The following ABTB2 variants were observed in gnomAD, a reference collection of about 807,000 sequenced individuals.
ABTB2 encodes ankyrin repeat and BTB domain containing 2, also known as ankyrin repeat and BTB/POZ domain-containing protein 2.
ABTB2 carries 56 observed loss-of-function variants against 104.1 expected under a neutral mutation model. The ratio of observed to expected loss-of-function variants is 0.54; its 90% CI spans 0.43 to 0.67. ABTB2 has a LOEUF of 0.67. ABTB2 is among the 30% of genes least tolerant of loss of function. The pLI is 0.00. For missense variants in ABTB2, 1,279 were observed against 1,407.7 expected, an observed-to-expected ratio of 0.91 and a Z score of 1.46; for synonymous variants, 606 against 608.2, an observed-to-expected ratio of 1.00 and a Z score of 0.05.
At chr11:34,218,972 G>C (rs1352127588) in intron 1 of ABTB2, among the ~76,000 whole-genome samples, 1 of 148,624 alleles carries the variant, frequency 6.7e-6, no homozygotes, top group Admixed American at 6.8e-5. Flanking sequence ...TGATCTATTT[G>C]TCTAGGGAAA....
At chr11:34,210,663 C>A (rs1853469569) in intron 1 of ABTB2, among the ~76,000 whole-genome samples, 1 of 152,182 alleles carries the variant, frequency 6.6e-6, no homozygotes, top group Non-Finnish European at 1.5e-5. Context: ...CACCTGCCAC[C>A]AACGGCCCCA....
At chr11:34,346,246 C>G (rs1337709721) in intron 1 of ABTB2, among the ~76,000 whole-genome samples, 2 of 151,944 alleles carry the variant, frequency 1.3e-5, no homozygotes, top group African/African-American at 4.8e-5. Context: ...TGTCCCACAT[C>G]GTATAAAGAA....
At chr11:34,339,511 G>C (rs989367656) in intron 1 of ABTB2, among the ~76,000 whole-genome samples, 1 of 152,214 alleles carries the variant, frequency 6.6e-6, no homozygotes, top group African/African-American at 2.4e-5. Context: ...CCTCACAAAA[G>C]ACGATGGTGT....
intron 1 of ABTB2, among the ~76,000 whole-genome samples, chr11:34,293,764 G>A (rs928832724): frequency 2.0e-5 from 3 of 151,880 alleles, no homozygotes; most frequent in Non-Finnish European, 2.9e-5. Context: ...TTCCTCTGTC[G>A]CCCAGGCTGG....
intron 1 of ABTB2, among the ~76,000 whole-genome samples, chr11:34,329,825 C>T (rs1564933798): frequency 6.6e-6 from 1 of 152,190 alleles, no homozygotes. Context: ...TTTAAACAAG[C>T]CAGTAAATTC....
In ABTB2 at chr11:34,357,010, C is replaced by T. The variant is rs746302788; in HGVS notation, c.574G>A (p.Gly192Arg). 1 of 1,568,576 alleles carries T rather than the reference C, an allele frequency of 6.4e-7. No homozygotes were observed. Among genetic ancestry groups the T allele is most frequent in the South Asian group, 1.2e-5 (1 of 86,108 alleles). ...LSLYSMSAGD[G>R]LRRGKSARCG... Reference sequence around the variant, plus strand: ...CGCGCGGACTTGCCCCGGCGCAGCCCGTCGCCGGCGCTCATGCTGTACAGG... The same window carrying T: ...CGCGCGGACTTGCCCCGGCGCAGCCTGTCGCCGGCGCTCATGCTGTACAGG... The change falls in exon 1 of 17, where the codon GGG (glycine) becomes AGG (arginine). Residue 192 changes from glycine (G) to arginine (R), a missense_variant. Gly to Arg is a moderately radical substitution (Grantham distance 125). Transcript: ENST00000435224.
intron 1 of ABTB2, among the ~76,000 whole-genome samples, chr11:34,261,162 C>T (rs1436574498): frequency 6.6e-6 from 1 of 152,138 alleles, no homozygotes; most frequent in Non-Finnish European, 1.5e-5. Context: ...TTGTAAGGCA[C>T]TTTCACATCT....
chr11:34,323,906 C>CTTTTTTTTTTTTTTTTTTTTTTTTT, intron 1 of ABTB2, among the ~76,000 whole-genome samples: 2 of 63,878 alleles, frequency 3.1e-5, no homozygotes, highest in Non-Finnish European at 5.3e-5. Flanking sequence ...TAAATTCCCT[C>CTTTTTTTTTTTTTTTTTTTTTTTTT]TTTTTTTTTT....
intron 1 of ABTB2, among the ~76,000 whole-genome samples, chr11:34,273,507 C>A (rs1364772641): frequency 1.3e-5 from 2 of 152,156 alleles, no homozygotes; most frequent in African/African-American, 4.8e-5. Flanking sequence ...TGACCCCAGA[C>A]AACAGCATCC....
At chr11:34,231,535 A>G (rs1853768923) in intron 1 of ABTB2, among the ~76,000 whole-genome samples, 1 of 152,190 alleles carries the variant, frequency 6.6e-6, no homozygotes, top group Admixed American at 6.5e-5. Context: ...TAACATCATC[A>G]GTGACAAGTC....
Position 34,198,754 on chromosome 11 carries a change from C to T in ABTB2, c.1031-1216G>A, listed in dbSNP as rs151099425. On this transcript the variant is annotated intron_variant, in intron 2 of 16. Coordinates refer to ENST00000435224, the MANE Select transcript of ABTB2 (RefSeq NM_145804.3). The stretch of plus-strand genomic sequence containing the variant: ...TATCTCACCAGCCCCAGACAGGAAA[C>T]GGCTCATCATTGTGTGAGGCCACAA... Among the ~76,000 whole-genome samples the T allele has an allele frequency of 1.3e-4, 20 of 152,300 alleles. No individual in the cohort carries two copies. The East Asian group carries it at 3.7e-3, about 28-fold the overall frequency.
intron 1 of ABTB2, chr11:34,335,845 T>C: frequency 8.2e-7 from 1 of 1,222,566 alleles, no homozygotes; most frequent in African/African-American, 1.5e-5. Flanking sequence ...CCACACCTTT[T>C]GAGAGCATAT....
At chr11:34,298,087 T>A (rs1460399693) in intron 1 of ABTB2, among the ~76,000 whole-genome samples, 2 of 110,194 alleles carry the variant, frequency 1.8e-5, no homozygotes, top group African/African-American at 6.7e-5. Flanking sequence ...AAATGTCTGT[T>A]TTTTTTTTTT....
chr11:34,255,048 A>C (rs538111449), intron 1 of ABTB2, among the ~76,000 whole-genome samples: 13 of 152,308 alleles, frequency 8.5e-5, no homozygotes, highest in Admixed American at 5.9e-4. Flanking sequence ...CATAAAGCCA[A>C]ATTTTGCACA....
At chr11:34,177,972 C>T (rs565469943) in intron 3 of ABTB2, among the ~76,000 whole-genome samples, 12 of 152,278 alleles carry the variant, frequency 7.9e-5, no homozygotes, top group African/African-American at 2.4e-4. Flanking sequence ...CCCTAATGGG[C>T]GAGTTCGTCA....
At chr11:34,260,274 G>A (rs542293439) in intron 1 of ABTB2, among the ~76,000 whole-genome samples, 104 of 152,182 alleles carry the variant, frequency 6.8e-4, no homozygotes, top group Non-Finnish European at 7.2e-4. Flanking sequence ...AATGAGGAAC[G>A]TGATCAAGTG....
chr11:34,191,117 A>G (rs1339955902), intron 3 of ABTB2, among the ~76,000 whole-genome samples: 1 of 152,184 alleles, frequency 6.6e-6, no homozygotes, highest in Non-Finnish European at 1.5e-5. Context: ...CACCATCAGA[A>G]GCCCCAGGTG....
chr11:34,233,946 T>C (rs529977338), intron 1 of ABTB2, among the ~76,000 whole-genome samples: 12 of 151,966 alleles, frequency 7.9e-5, no homozygotes, highest in South Asian at 2.1e-4. Flanking sequence ...TGTGTTTGGA[T>C]ATATATTTCT....
intron 1 of ABTB2, among the ~76,000 whole-genome samples, chr11:34,316,463 C>T (rs1216422676): frequency 6.6e-6 from 1 of 152,208 alleles, no homozygotes; most frequent in Admixed American, 6.5e-5. Context: ...CCTTCTGCTC[C>T]TCTGGGAGGT....
Sources: allele counts gnomAD v4.1 joint callset (sites outside exome capture counted in the v4.1 genomes callset), GRCh38; gene constraint gnomAD v4.1.1; transcripts MANE v1.5; gene names NCBI Gene and HGNC (gene_info 2026-07-23, HGNC 2026-07-21).